Variants in BABAM2 observed in about 807,000 individuals in gnomAD.
The protein encoded by BABAM2 is BRISC and BRCA1-A complex member 2.
Under a neutral mutation model 54.7 loss-of-function variants are expected in BABAM2, and 31 were observed. The observed-to-expected ratio is 0.57, with a 90% CI of 0.43 to 0.77. The LOEUF (loss-of-function observed/expected upper bound fraction) is 0.77. Among genes scored for constraint, BABAM2 ranks in the 30% least tolerant of loss-of-function variants. The pLI is 0.00. For synonymous variants in BABAM2, 167 were observed against 162.9 expected (o/e 1.03, Z -0.19); for missense variants, 364 against 455.8 (o/e 0.80, Z 1.83).
At chr2:28,017,201 C>T (rs1049599992) in intron 4 of BABAM2, among the ~76,000 whole-genome samples, 3 of 152,116 alleles carry the variant, frequency 2.0e-5, no homozygotes, top group East Asian at 3.8e-4. Context: ...ACAAAATGTA[C>T]GGTGTAAACA....
At chr2:28,186,529 G>T (rs1676296912) in intron 7 of BABAM2, among the ~76,000 whole-genome samples, 1 of 152,074 alleles carries the variant, frequency 6.6e-6, no homozygotes, top group Admixed American at 6.5e-5. Context: ...ACTTTGGGAG[G>T]CTGAGGCAGG....
At chr2:28,337,070 G>A (rs533809908) in intron 11 of BABAM2, among the ~76,000 whole-genome samples, 2 of 152,188 alleles carry the variant, frequency 1.3e-5, no homozygotes, top group East Asian at 1.9e-4. Context: ...TTGCAGTGCT[G>A]AGGGTGACAG....
intron 6 of BABAM2, among the ~76,000 whole-genome samples, chr2:28,058,334 T>C (rs1678595439): frequency 6.6e-6 from 1 of 152,022 alleles, no homozygotes; most frequent in African/African-American, 2.4e-5. Context: ...CAAATTTTAA[T>C]CATTATTTTT....
intron 5 of BABAM2, among the ~76,000 whole-genome samples, chr2:28,035,854 A>G (rs1430002654): frequency 6.6e-6 from 1 of 152,176 alleles, no homozygotes; most frequent in Non-Finnish European, 1.5e-5. Context: ...AATCATACTG[A>G]TATTCCAAAG....
chr2:28,018,846 A>G (rs183758980), intron 4 of BABAM2, among the ~76,000 whole-genome samples: 2 of 152,112 alleles, frequency 1.3e-5, no homozygotes, highest in East Asian at 3.9e-4. Flanking sequence ...TTTTTAAAAC[A>G]TTTTACTTTA....
intron 7 of BABAM2, among the ~76,000 whole-genome samples, chr2:28,211,606 C>G (rs1016970880): frequency 2.6e-5 from 4 of 151,990 alleles, no homozygotes; most frequent in African/African-American, 9.7e-5. Context: ...CCAGGCTGGT[C>G]TTGAACTCCT....
chr2:28,136,206 C>T lies in BABAM2; in HGVS notation c.680+6826C>T, dbSNP rs146081786. On this transcript the variant is annotated intron_variant, in intron 7 of 11. Coordinates refer to ENST00000379624, the MANE Select transcript of BABAM2 (RefSeq NM_199191.3). ...GTTTATTTACCTCCCCCACAGGGTC[C>T]GTTAAAGTCCTGCCCATGTTCTTAG... Among the ~76,000 whole-genome samples, 28 of 152,314 alleles carry T rather than the reference C, an allele frequency of 1.8e-4. No homozygotes were observed. In the East Asian group the frequency reaches 4.8e-3, roughly 26 times the overall value.
At chr2:28,024,741 A>G (rs911082959) in intron 4 of BABAM2, among the ~76,000 whole-genome samples, 9 of 152,144 alleles carry the variant, frequency 5.9e-5, no homozygotes, top group Admixed American at 3.3e-4. Context: ...CATTGTGCTT[A>G]TATTTCTGTG....
At chr2:28,230,521 C>T (rs930599983) in intron 7 of BABAM2, among the ~76,000 whole-genome samples, 2 of 151,016 alleles carry the variant, frequency 1.3e-5, no homozygotes, top group Non-Finnish European at 2.9e-5. Context: ...TCGAGACCAG[C>T]CTGGACAACA....
intron 5 of BABAM2, among the ~76,000 whole-genome samples, chr2:28,040,490 CG>C (rs1313467752): frequency 6.6e-6 from 1 of 150,942 alleles, no homozygotes. Context: ...TTAGTAGAGA[CG>C]GGGTTTCACC....
rs563532174 is a variant in BABAM2 at position 28,166,402 on chromosome 2, A to C, written c.680+37022A>C. ...AACTACTCTAGCGAGTTATCCTATC[A>C]ACCAAAATAGTGAATACCACAGGAA... On this transcript the variant is annotated intron_variant, in intron 7 of 11. Coordinates refer to ENST00000379624, the MANE Select transcript of BABAM2 (RefSeq NM_199191.3). Among the ~76,000 whole-genome samples the C allele has an allele frequency of 1.4e-4, 22 of 152,310 alleles. No individual in the cohort carries two copies. The South Asian group carries it at 3.9e-3, about 27-fold the overall frequency.
intron 2 of BABAM2, among the ~76,000 whole-genome samples, chr2:27,912,027 AC>A (rs2148307205): frequency 6.6e-6 from 1 of 152,288 alleles, no homozygotes; most frequent in East Asian, 1.9e-4. Flanking sequence ...ACATTGTTTA[AC>A]CATGCCTAAT....
Position 27,983,942 on chromosome 2 carries a change from C to CTTT in BABAM2, c.206-4034_206-4032dup. Among the ~76,000 whole-genome samples, 180 of 31,170 alleles carry CTTT rather than the reference C, an allele frequency of 5.8e-3. 17 individuals carry two copies. Among genetic ancestry groups the CTTT allele is most frequent in the Non-Finnish European group, 8.4e-3 (129 of 15,398 alleles). The allele number at this position is 31,170 out of a possible 152,430, so 20.4% of individuals were successfully genotyped here. A position where few individuals can be genotyped will look rare whatever the true frequency, so the allele number is the denominator to read the frequency against. On this transcript the variant is annotated intron_variant, in intron 3 of 11. Transcript: ENST00000379624. The stretch of plus-strand genomic sequence containing the variant: ...TTTCCAATGTAGATACATTTTGTAC[C>CTTT]TTTTTTTTTTTTTTTTTTTGCCAAA...
At chr2:28,136,439 C>A (rs1020025443) in intron 7 of BABAM2, among the ~76,000 whole-genome samples, 1 of 152,364 alleles carries the variant, frequency 6.6e-6, no homozygotes, top group South Asian at 2.1e-4. Context: ...CTAGCCAGGC[C>A]CCTGCCCAAG....
intron 6 of BABAM2, among the ~76,000 whole-genome samples, chr2:28,115,429 A>G (rs1025291827): frequency 6.6e-6 from 1 of 152,052 alleles, no homozygotes; most frequent in African/African-American, 2.4e-5. Flanking sequence ...GATCGAGACC[A>G]TCCTGGCTAA....
At chr2:27,921,517 T>C (rs1667346566) in intron 2 of BABAM2, among the ~76,000 whole-genome samples, 1 of 152,152 alleles carries the variant, frequency 6.6e-6, no homozygotes, top group Non-Finnish European at 1.5e-5. Context: ...AATGTAGTAA[T>C]TAAGAAAGTG....
intron 11 of BABAM2, among the ~76,000 whole-genome samples, chr2:28,336,669 G>C (rs1691498291): frequency 6.6e-6 from 1 of 152,248 alleles, no homozygotes; most frequent in Non-Finnish European, 1.5e-5. Context: ...CAGAGGCCAT[G>C]GTGGAGGCCA....
intron 8 of BABAM2, among the ~76,000 whole-genome samples, chr2:28,239,670 T>G (rs1010161483): frequency 1.3e-5 from 2 of 152,192 alleles, no homozygotes; most frequent in Non-Finnish European, 2.9e-5. Flanking sequence ...AATAACCCCA[T>G]TTGATGAGAG....
chr2:27,990,755 ACT>A (rs910347217), intron 4 of BABAM2, among the ~76,000 whole-genome samples: 12 of 152,104 alleles, frequency 7.9e-5, no homozygotes, highest in African/African-American at 2.2e-4. Flanking sequence ...GAAAAAAATG[ACT>A]CTTCAATGTG....
Sources: allele counts gnomAD v4.1 joint callset (sites outside exome capture counted in the v4.1 genomes callset), GRCh38; gene constraint gnomAD v4.1.1; transcripts MANE v1.5; gene names NCBI Gene and HGNC (gene_info 2026-07-23, HGNC 2026-07-21).